The following SRSF4 variants were observed in gnomAD, a reference collection of about 807,000 sequenced individuals.
SRSF4 encodes the protein serine and arginine rich splicing factor 4.
A neutral mutation model predicts 48.8 loss-of-function variants in SRSF4; 12 were observed. The observed-to-expected ratio is 0.25, with a 90% CI of 0.16 to 0.40. The LOEUF (loss-of-function observed/expected upper bound fraction) is 0.40. SRSF4 is among the 10% of genes least tolerant of loss of function. The pLI is 1.00. For synonymous variants in SRSF4, 248 were observed against 232.5 expected, an observed-to-expected ratio of 1.07 and a Z score of -0.61; for missense variants, 466 against 667.1, an observed-to-expected ratio of 0.70 and a Z score of 3.32.
intron 1 of SRSF4, among the ~76,000 whole-genome samples, chr1:29,163,645 ATCTC>A (rs1049170073): frequency 2.9e-4 from 44 of 152,346 alleles, no homozygotes; most frequent in Non-Finnish European, 4.7e-4. Context: ...TGACTAAACA[ATCTC>A]TCTATTAAGC....
intron 4 of SRSF4, among the ~76,000 whole-genome samples, chr1:29,152,826 G>A (rs1342212043): frequency 6.6e-6 from 1 of 151,864 alleles, no homozygotes; most frequent in African/African-American, 2.4e-5. Context: ...GGCTGAGGCA[G>A]GAGAATCGCT....
At chr1:29,181,537 G>A (rs1055436901) in intron 1 of SRSF4, 109 bp downstream of exon 1, 35 of 977,052 alleles carry the variant, frequency 3.6e-5, no homozygotes, top group Non-Finnish European at 4.9e-5. Context: ...GCCTGGCCAG[G>A]CCGGTAGCCG....
chr1:29,155,376 A>G (rs1672484391), intron 3 of SRSF4, among the ~76,000 whole-genome samples: 1 of 152,192 alleles, frequency 6.6e-6, no homozygotes, highest in Non-Finnish European at 1.5e-5. Context: ...GGCTGCAGTG[A>G]GCCGTGATCA....
intron 4 of SRSF4, among the ~76,000 whole-genome samples, chr1:29,152,744 C>A (rs1370706899): frequency 1.3e-5 from 2 of 151,980 alleles, no homozygotes; most frequent in East Asian, 3.9e-4. Flanking sequence ...CATGGTGAAA[C>A]TCTGTCTCTA....
At chr1:29,149,947 G>A (rs1190397931) in intron 5 of SRSF4, among the ~76,000 whole-genome samples, 156 bp downstream of exon 5, 3 of 151,828 alleles carry the variant, frequency 2.0e-5, no homozygotes, top group Non-Finnish European at 2.9e-5. Context: ...AAGCTTGCTT[G>A]AGCCCAGTGA....
rs768247885 is a variant in SRSF4 at position 29,148,402 on chromosome 1, A to G, written c.*8T>C. 7.1e-5 allele frequency: 112 copies of G among 1,579,862 alleles called. 1 individual carries two copies. The East Asian group carries it at 2.2e-3, about 31-fold the overall frequency. ...TTCTCGGGTAGTTCCAGCTGTGGCC[A>G]TAGCCAGTTAGGACCTTGAGTGGGA... On this transcript the variant is annotated 3_prime_UTR_variant, in exon 6 of 6. Coordinates refer to ENST00000373795, the MANE Select transcript of SRSF4 (RefSeq NM_005626.5).
At chr1:29,181,529 C>T in intron 1 of SRSF4, 117 bp downstream of exon 1, 1 of 892,538 alleles carries the variant, frequency 1.1e-6, no homozygotes, top group Non-Finnish European at 1.6e-6. Flanking sequence ...ATGGCGGAGC[C>T]TGGCCAGGCC....
chr1:29,149,239 G>A lies in SRSF4; in HGVS notation c.669-13C>T, dbSNP rs938940102. On this transcript the variant is annotated splice_polypyrimidine_tract_variant and intron_variant, in intron 5 of 5. Transcript: ENST00000373795. ...GCGGGAGCCCGACCTGAGGAGACAT[G>A]GGATACTGTTTGTGTCACATGTGAC... The A allele has an allele frequency of 6.2e-7, 1 of 1,602,724 alleles. No homozygotes were observed. Among genetic ancestry groups the A allele is most frequent in the Non-Finnish European group, 8.5e-7 (1 of 1,179,348 alleles).
At chr1:29,160,754 T>C (rs929653704) in intron 1 of SRSF4, among the ~76,000 whole-genome samples, 1 of 152,216 alleles carries the variant, frequency 6.6e-6, no homozygotes, top group African/African-American at 2.4e-5. Context: ...GCTGGCTACA[T>C]ACACAGGACA....
Position 29,148,586 on chromosome 1 carries a change from T to C in SRSF4, c.1309A>G (p.Asn437Asp), listed in dbSNP as rs773746905. Residue 437 changes from asparagine (N) to aspartate (D), a missense_variant, in exon 6 of 6, where the codon AAT becomes GAT. Physicochemically the swap from Asn to Asp is conservative, Grantham distance 23. Around this residue, in one of 2 missense-constraint regions of SRSF4, gnomAD observed 402 missense variants for 437.0 expected, o/e 0.92. Transcript: ENST00000373795. ...CTCGACCTGGACCGGGTCTCCTGAT[T>C]GGTGCCAGCATTCTCACTCTCTCCT... ...GRGESENAGTNQETRSRSRSN... is the reference protein window; with the variant it reads ...GRGESENAGTDQETRSRSRSN... The C allele has an allele frequency of 1.2e-6, 2 of 1,614,098 alleles. No individual in the cohort carries two copies. Among genetic ancestry groups the C allele is most frequent in the East Asian group, 2.2e-5 (1 of 44,872 alleles).
At chr1:29,174,985 A>AT (rs1204892113) in intron 1 of SRSF4, among the ~76,000 whole-genome samples, 1 of 139,652 alleles carries the variant, frequency 7.2e-6, no homozygotes, top group African/African-American at 2.6e-5. Context: ...GGGTTTTTTA[A>AT]TTAAAAAAAA....
chr1:29,176,734 C>T (rs1177210711), intron 1 of SRSF4, among the ~76,000 whole-genome samples: 3 of 152,054 alleles, frequency 2.0e-5, no homozygotes, highest in Non-Finnish European at 2.9e-5. Flanking sequence ...TTGAACTCCA[C>T]ATTAAAAAAA....
intron 4 of SRSF4, 96 bp downstream of exon 4, chr1:29,154,600 T>C: frequency 1.7e-6 from 2 of 1,180,552 alleles, no homozygotes; most frequent in Non-Finnish European, 1.2e-6. Context: ...TGGAATCATG[T>C]TATTAAGAAC....
chr1:29,163,695 G>C (rs1672631195), intron 1 of SRSF4, among the ~76,000 whole-genome samples: 1 of 152,144 alleles, frequency 6.6e-6, no homozygotes, highest in South Asian at 2.1e-4. Flanking sequence ...GCACCCATCA[G>C]CTAGGTACTA....
At chr1:29,149,704 A>G (rs1672376035) in intron 5 of SRSF4, among the ~76,000 whole-genome samples, 1 of 133,464 alleles carries the variant, frequency 7.5e-6, no homozygotes, top group African/African-American at 2.6e-5. Flanking sequence ...AAAAAAAAAA[A>G]AGAAAAAGAA....
intron 3 of SRSF4, among the ~76,000 whole-genome samples, chr1:29,156,714 CAACTAAGGGTGGT>C (rs1351971617): frequency 6.6e-6 from 1 of 152,076 alleles, no homozygotes; most frequent in Non-Finnish European, 1.5e-5. Flanking sequence ...CATGTAGAAC[CAACTAAGGGTGGT>C]AACTGTTGGG....
intron 1 of SRSF4, among the ~76,000 whole-genome samples, chr1:29,167,538 C>A (rs942445529): frequency 1.3e-5 from 2 of 152,238 alleles, no homozygotes; most frequent in African/African-American, 4.8e-5. Flanking sequence ...GCACACGCCA[C>A]CACGCCCAGC....
Position 29,148,791 on chromosome 1 carries a change from A to ACTGCGACTGCGG in SRSF4, c.1092_1103dup (p.Arg369_Ser372dup). 1.2e-6 allele frequency: 2 copies of ACTGCGACTGCGG among 1,611,586 alleles called. No individual in the cohort carries two copies. Among genetic ancestry groups the ACTGCGACTGCGG allele is most frequent in the Non-Finnish European group, 1.7e-6 (2 of 1,179,098 alleles). The stretch of plus-strand genomic sequence containing the variant: ...TCCTCTCACTCTTGCTGCGGCTGCG[A>ACTGCGACTGCGG]CTGCGACTGCGGCTCTCCTCTCTGC... On this transcript the variant is annotated inframe_insertion, in exon 6 of 6. Transcript: ENST00000373795.
At position 29,148,416 on chromosome 1, in the gene SRSF4, C is replaced by T. The variant is rs762212344; in HGVS notation, c.1479G>A (p.Arg493=). Residue 493 remains arginine (R), a synonymous_variant, in exon 6 of 6, where the codon AGG becomes AGA. Transcript: ENST00000373795. ...CAGCTGTGGCCATAGCCAGTTAGGACCTTGAGTGGGACCTAGATCTAGATC... is the reference window on the plus strand; with the variant it reads ...CAGCTGTGGCCATAGCCAGTTAGGATCTTGAGTGGGACCTAGATCTAGATC... ...PSRSRSRSHS[R]S is the part of the protein sequence containing the mutation. 3.1e-6 allele frequency: 5 copies of T among 1,595,674 alleles called. No individual in the cohort carries two copies. In the East Asian group the frequency reaches 8.9e-5, roughly 29 times the overall value.
Sources: gnomAD v4.1 joint callset for allele counts (sites outside exome capture counted in the v4.1 genomes callset) on GRCh38, gnomAD v4.1.1 for gene constraint, gnomAD v4.1.1 regional missense constraint, MANE v1.5 for transcripts, NCBI Gene and HGNC (gene_info 2026-07-23, HGNC 2026-07-21) for gene names.